The following SUGCT variants were observed in gnomAD, a reference collection of about 807,000 sequenced individuals.
SUGCT encodes the protein succinyl-CoA:glutarate CoA-transferase.
Under a neutral mutation model 55.0 loss-of-function variants are expected in SUGCT, and 41 were observed. That is an observed-to-expected ratio of 0.74 (90% CI 0.58 to 0.97). SUGCT has a LOEUF of 0.97. SUGCT is among the 50% of genes least tolerant of loss of function. The pLI, the probability that SUGCT is intolerant of heterozygous loss-of-function variation, is 0.00. For missense variants in SUGCT, 568 were observed against 547.8 expected, an observed-to-expected ratio of 1.04 and a Z score of -0.37; for synonymous variants, 187 against 200.4, an observed-to-expected ratio of 0.93 and a Z score of 0.56.
chr7:40,968,909 G>A, the SUGCT span, among the ~76,000 whole-genome samples: 1 of 152,148 alleles, frequency 6.6e-6, no homozygotes, highest in Non-Finnish European at 1.5e-5. Context: ...CACCTGTGGT[G>A]TGAGCATCCA....
chr7:40,385,815 A>G (rs1785092228), intron 9 of SUGCT, among the ~76,000 whole-genome samples: 1 of 152,160 alleles, frequency 6.6e-6, no homozygotes, highest in Admixed American at 6.5e-5. Flanking sequence ...GTTAGCTTTT[A>G]AGGTGACGTG....
In SUGCT at chr7:40,691,749, A is replaced by G. The variant is rs117853952; in HGVS notation, c.1090-57685A>G. 5.8e-3 allele frequency among the ~76,000 whole-genome samples: 887 copies of G among 152,282 alleles called. 10 individuals are homozygous for G. Among genetic ancestry groups the G allele is most frequent in the Non-Finnish European group, 0.011 (730 of 68,026 alleles). ...AGAGTCTGCTTGGATGAACTCACCTAAAACTTGTCTTAGAATTCTTTTTTA... is the reference window on the plus strand; with the variant it reads ...AGAGTCTGCTTGGATGAACTCACCTGAAACTTGTCTTAGAATTCTTTTTTA... On this transcript the variant is annotated intron_variant, in intron 12 of 13. Transcript: ENST00000335693.
chr7:40,771,864 T>G (rs1789122388), intron 13 of SUGCT, among the ~76,000 whole-genome samples: 1 of 152,176 alleles, frequency 6.6e-6, no homozygotes, highest in Non-Finnish European at 1.5e-5. Context: ...ATTGGGGAAG[T>G]TATTTCTTCA....
chr7:40,392,308 A>G (rs954077954), intron 9 of SUGCT, among the ~76,000 whole-genome samples: 2 of 152,180 alleles, frequency 1.3e-5, no homozygotes, highest in Non-Finnish European at 2.9e-5. Context: ...TACATAAAGA[A>G]TAGTCATAAT....
At chr7:40,475,599 A>G (rs1225667923) in intron 11 of SUGCT, among the ~76,000 whole-genome samples, 1 of 152,200 alleles carries the variant, frequency 6.6e-6, no homozygotes. Context: ...AGTACTTTAC[A>G]ATCTTTCATT....
At chr7:40,153,239 T>A in intron 1 of SUGCT, 1 of 396,386 alleles carries the variant, frequency 2.5e-6, no homozygotes. Flanking sequence ...TTTGGCATCT[T>A]GCAGAGATGA....
chr7:40,648,459 G>C (rs1410003213), intron 12 of SUGCT, among the ~76,000 whole-genome samples: 1 of 152,150 alleles, frequency 6.6e-6, no homozygotes, highest in Non-Finnish European at 1.5e-5. Context: ...AACACAGTAC[G>C]TAGTTGTGAG....
chr7:40,847,345 AG>A (rs1225100602), intron 13 of SUGCT, among the ~76,000 whole-genome samples: 1 of 151,792 alleles, frequency 6.6e-6, no homozygotes, highest in African/African-American at 2.4e-5. Context: ...GGAGACCGAC[AG>A]GGTCTTAAAT....
chr7:40,465,940 A>G (rs1357914046), intron 11 of SUGCT, among the ~76,000 whole-genome samples: 8 of 152,172 alleles, frequency 5.3e-5, no homozygotes, highest in Admixed American at 5.2e-4. Context: ...AGCGTGCGGT[A>G]GTGTGATCAT....
At chr7:40,279,632 T>C (rs1033460556) in intron 8 of SUGCT, among the ~76,000 whole-genome samples, 3 of 149,822 alleles carry the variant, frequency 2.0e-5, no homozygotes, top group Non-Finnish European at 4.4e-5. Flanking sequence ...GATTAAAAAG[T>C]TGGCTAATAA....
chr7:41,032,870 T>C, the SUGCT span, among the ~76,000 whole-genome samples: 1 of 152,186 alleles, frequency 6.6e-6, no homozygotes, highest in East Asian at 1.9e-4. Flanking sequence ...TTCAAGCGAT[T>C]CTCCTGCCTC....
the SUGCT span, among the ~76,000 whole-genome samples, chr7:40,933,613 T>C: frequency 6.6e-6 from 1 of 152,214 alleles, no homozygotes; most frequent in African/African-American, 2.4e-5. Context: ...CCCATATTTC[T>C]TGGAGGCTTT....
At chr7:40,565,369 G>A (rs894369285) in intron 12 of SUGCT, among the ~76,000 whole-genome samples, 2 of 152,178 alleles carry the variant, frequency 1.3e-5, no homozygotes, top group African/African-American at 4.8e-5. Flanking sequence ...GGTATGTTCT[G>A]CAAAGTAAAG....
chr7:40,577,329 C>T (rs1796823034), intron 12 of SUGCT, among the ~76,000 whole-genome samples: 1 of 151,780 alleles, frequency 6.6e-6, no homozygotes, highest in African/African-American at 2.4e-5. Flanking sequence ...TGGAAGCATC[C>T]CAAGACATTA....
chr7:40,870,304 T>C, the SUGCT span, among the ~76,000 whole-genome samples: 1 of 152,172 alleles, frequency 6.6e-6, no homozygotes, highest in African/African-American at 2.4e-5. Flanking sequence ...ATTCCTTTCA[T>C]TCCTTGGCCA....
intron 13 of SUGCT, among the ~76,000 whole-genome samples, chr7:40,786,723 C>CT (rs1447186785): frequency 1.3e-5 from 2 of 151,354 alleles, no homozygotes; most frequent in East Asian, 3.9e-4. Flanking sequence ...TTAATCATAC[C>CT]CCCTCACTAA....
chr7:40,835,904 T>C (rs4723980), intron 13 of SUGCT, among the ~76,000 whole-genome samples: 34,675 of 146,620 alleles, frequency 0.24, 4,144 homozygotes, highest in East Asian at 0.76. Flanking sequence ...TTTTTTTTTT[T>C]TTTGGTGAGA....
chr7:40,141,736 C>G, intron 1 of SUGCT: 3 of 184,768 alleles, frequency 1.6e-5, no homozygotes, highest in Non-Finnish European at 3.4e-5. Flanking sequence ...GAGACAGGGT[C>G]TGACTCCAGT....
At chr7:40,486,264 G>T (rs1280001826) in intron 11 of SUGCT, among the ~76,000 whole-genome samples, 1 of 152,106 alleles carries the variant, frequency 6.6e-6, no homozygotes, top group Non-Finnish European at 1.5e-5. Flanking sequence ...GCTGGCACAT[G>T]ATTGTTTGTA....
Sources: allele counts gnomAD v4.1 joint callset (sites outside exome capture counted in the v4.1 genomes callset), GRCh38; gene constraint gnomAD v4.1.1; transcripts MANE v1.5; gene names NCBI Gene and HGNC (gene_info 2026-07-23, HGNC 2026-07-21).